Variants in NMU observed in about 807,000 individuals in gnomAD.
The protein encoded by NMU is neuromedin U.
NMU carries 29 observed loss-of-function variants against 35.4 expected under a neutral mutation model. That is an observed-to-expected ratio of 0.82 (90% CI 0.61 to 1.12). NMU has a LOEUF of 1.12. NMU is among the 50% of genes most tolerant of loss of function. The probability of loss-of-function intolerance (pLI) is 0.00; values close to 1 mark genes in which losing one functional copy is unlikely to be tolerated. For missense variants in NMU, 199 were observed against 206.2 expected (o/e 0.97, Z 0.21); for synonymous variants, 78 against 81.3 (o/e 0.96, Z 0.22).
At chr4:55,617,946 G>A (rs1027748342) in intron 2 of NMU, among the ~76,000 whole-genome samples, 14 of 152,150 alleles carry the variant, frequency 9.2e-5, no homozygotes, top group African/African-American at 3.4e-4. Flanking sequence ...AGTCAAATTA[G>A]GAGATAACTG....
At chr4:55,625,535 A>G (rs531464713) in intron 2 of NMU, among the ~76,000 whole-genome samples, 5 of 152,114 alleles carry the variant, frequency 3.3e-5, no homozygotes, top group African/African-American at 1.2e-4. Flanking sequence ...CTTAGCATCT[A>G]TCTTATCTTT....
At chr4:55,598,089 G>GTTTTTTTTTT (rs10588154) in intron 9 of NMU, among the ~76,000 whole-genome samples, 3 of 85,394 alleles carry the variant, frequency 3.5e-5, no homozygotes, top group Non-Finnish European at 6.7e-5. Flanking sequence ...TTTGGTTGTG[G>GTTTTTTTTTT]TTTTTTTTTT....
rs780747040 is a variant in NMU, at chr4:55,605,354, G to A, written c.361-5C>T. The A allele has an allele frequency of 6.2e-7, 1 of 1,609,426 alleles. No individual in the cohort carries two copies. Among genetic ancestry groups the A allele is most frequent in the Admixed American group, 1.7e-5 (1 of 60,020 alleles). On this transcript the variant is annotated splice_polypyrimidine_tract_variant and splice_region_variant and intron_variant, in intron 6 of 9. Transcript: ENST00000264218. Reference sequence around the variant, plus strand: ...CAACGGATGCACAACTGACGACTGAGAGGACATGAACACACACGTGAATAA... The same window carrying A: ...CAACGGATGCACAACTGACGACTGAAAGGACATGAACACACACGTGAATAA...
chr4:55,597,064 G>A (rs1733212325), intron 9 of NMU, among the ~76,000 whole-genome samples: 1 of 152,064 alleles, frequency 6.6e-6, no homozygotes, highest in Non-Finnish European at 1.5e-5. Context: ...TCCTTGAGTT[G>A]CTGGAACAAA....
intron 1 of NMU, among the ~76,000 whole-genome samples, chr4:55,634,541 C>T (rs180865205): frequency 6.9e-4 from 105 of 152,300 alleles, no homozygotes; most frequent in African/African-American, 2.5e-3. Flanking sequence ...AATTCTCCAA[C>T]CCACCCCAAG....
At chr4:55,616,972 G>A (rs534684459) in intron 2 of NMU, among the ~76,000 whole-genome samples, 1 of 152,264 alleles carries the variant, frequency 6.6e-6, no homozygotes, top group Middle Eastern at 3.4e-3. Flanking sequence ...GAAAACTTGA[G>A]ACTTTAAACG....
intron 2 of NMU, 152 bp from the exon 3 acceptor site, chr4:55,616,537 T>TTTA (rs1180644015): frequency 1.5e-6 from 1 of 688,892 alleles, no homozygotes. Flanking sequence ...CTCAAAAACT[T>TTTA]TATAAGAGAG....
upstream of NMU, chr4:55,636,377 C>A: frequency 1.2e-6 from 1 of 866,408 alleles, no homozygotes; most frequent in Non-Finnish European, 1.6e-6. This position sits in a 1 kb window ranked among gnomAD's most constrained non-coding sequence, Gnocchi z 4.0. Flanking sequence ...CGCGTCACCT[C>A]GCCGCCTGCC....
intron 3 of NMU, 136 bp from the exon 4 acceptor site, chr4:55,609,315 C>T (rs1733835836): frequency 1.4e-6 from 1 of 701,280 alleles, no homozygotes; most frequent in Non-Finnish European, 2.5e-6. Flanking sequence ...ATTATTAAAA[C>T]TGTTGGAATC....
chr4:55,607,493 C>T lies in NMU; in HGVS notation c.280-27G>A, dbSNP rs760497478. ...TATTGAAAAGAGATATTGTATATAT[C>T]ATTATATATTGTAAAATTTTACTAT... On this transcript the variant is annotated intron_variant, in intron 4 of 9. Transcript: ENST00000264218. The T allele has an allele frequency of 1.1e-4, 85 of 786,978 alleles. No homozygotes were observed. The African/African-American group carries it at 1.3e-3, about 12-fold the overall frequency. The allele number at this position is 786,978 out of a possible 1,614,324, so 48.7% of individuals were successfully genotyped here.
At chr4:55,630,523 T>C (rs1027644004) in intron 1 of NMU, 63 bp from the exon 2 acceptor site, 4 of 1,258,334 alleles carry the variant, frequency 3.2e-6, no homozygotes, top group Non-Finnish European at 4.6e-6. Flanking sequence ...TAAATATCCA[T>C]ATATAATTCT....
chr4:55,636,358 TC>T, upstream of NMU: 1 of 1,061,664 alleles, frequency 9.4e-7, no homozygotes, highest in Non-Finnish European at 1.2e-6. The surrounding 1 kb of genome is among the most constrained non-coding windows in gnomAD (Gnocchi z 4.0). Context: ...GGCTGCGCGG[TC>T]CCCGCCGCGC....
intron 3 of NMU, among the ~76,000 whole-genome samples, chr4:55,612,244 C>A (rs1442439605): frequency 6.6e-6 from 1 of 152,128 alleles, no homozygotes; most frequent in African/African-American, 2.4e-5. Context: ...AAATTGTTTT[C>A]TTTTAATTAG....
intron 6 of NMU, 75 bp from the exon 7 acceptor site, chr4:55,605,424 G>A: frequency 9.1e-7 from 1 of 1,097,222 alleles, no homozygotes; most frequent in Non-Finnish European, 1.4e-6. Context: ...TTTCCTATTT[G>A]TTTTTGTTTT....
chr4:55,636,235 C>G lies in NMU; in HGVS notation c.-43G>C. 1 of 1,425,916 alleles carries G rather than the reference C, an allele frequency of 7.0e-7. No homozygotes were observed. 88.3% of individuals were successfully genotyped at this position (1,425,916 alleles called of 1,614,324 possible). A position where few individuals can be genotyped will look rare whatever the true frequency, so the allele number is the denominator to read the frequency against. On this transcript the variant is annotated 5_prime_UTR_variant, in exon 1 of 10. Transcript: ENST00000264218. The surrounding 1 kb of genome is among the most constrained non-coding windows in gnomAD (Gnocchi z 4.0). The stretch of plus-strand genomic sequence containing the variant: ...GCTCGGTGCTAGGGACGCTGCGCTG[C>G]GCCACGCGTAGCTGGTGCTCCACCT...
rs192538237 is a variant in NMU, at chr4:55,627,539, C to T, written c.171+2863G>A. ...AGAATGTCGCTCCAAATATATATAT[C>T]ATCATCTATTTTCTTCATTAGAAAT... On this transcript the variant is annotated intron_variant, in intron 2 of 9. Coordinates refer to ENST00000264218, the MANE Select transcript of NMU (RefSeq NM_006681.4). Among the ~76,000 whole-genome samples the T allele has an allele frequency of 5.7e-4, 86 of 152,008 alleles. No individual in the cohort carries two copies. The Middle Eastern group carries it at 0.02, about 36-fold the overall frequency.
chr4:55,606,240 G>C (rs1733678179), intron 6 of NMU, among the ~76,000 whole-genome samples: 1 of 152,076 alleles, frequency 6.6e-6, no homozygotes. Context: ...CCCTAAATTG[G>C]TTCATGGAAG....
chr4:55,603,802 C>T (rs1733525392), intron 7 of NMU, among the ~76,000 whole-genome samples: 1 of 149,554 alleles, frequency 6.7e-6, no homozygotes, highest in Non-Finnish European at 1.5e-5. Flanking sequence ...ATCCCAGCTC[C>T]TCGGGAGGCT....
At chr4:55,606,239 GGTTCAT>G (rs1435731815) in intron 6 of NMU, among the ~76,000 whole-genome samples, 1 of 152,094 alleles carries the variant, frequency 6.6e-6, no homozygotes, top group African/African-American at 2.4e-5. Flanking sequence ...TCCCTAAATT[GGTTCAT>G]GGAAGTGAAT....
Sources: gnomAD v4.1 joint callset for allele counts (sites outside exome capture counted in the v4.1 genomes callset) on GRCh38, gnomAD v4.1.1 for gene constraint, Gnocchi (gnomAD v3.1) non-coding constraint, MANE v1.5 for transcripts, NCBI Gene and HGNC (gene_info 2026-07-23, HGNC 2026-07-21) for gene names.